AGTPBP1: variants seen among roughly 807,000 people sequenced by gnomAD.
The protein encoded by AGTPBP1 is cytosolic carboxypeptidase 1.
Under a neutral mutation model 143.9 loss-of-function variants are expected in AGTPBP1, and 70 were observed. The observed-to-expected ratio is 0.49, with a 90% CI of 0.40 to 0.59. AGTPBP1 has a LOEUF of 0.59. AGTPBP1 is among the 20% of genes least tolerant of loss of function. The probability of loss-of-function intolerance (pLI) is 0.00; values close to 1 mark genes in which losing one functional copy is unlikely to be tolerated. For synonymous variants in AGTPBP1, 463 were observed against 500.2 expected (o/e 0.93, Z 0.99); for missense variants, 1,229 against 1,464.5 (o/e 0.84, Z 2.62).
chr9:85,580,957 C>T (rs982842377), intron 23 of AGTPBP1, among the ~76,000 whole-genome samples: 2 of 152,284 alleles, frequency 1.3e-5, no homozygotes, highest in African/African-American at 4.8e-5. Flanking sequence ...CATATCTATA[C>T]GGATGTGCTC....
chr9:85,570,477 G>A (rs1257537917), intron 25 of AGTPBP1, among the ~76,000 whole-genome samples: 1 of 152,034 alleles, frequency 6.6e-6, no homozygotes, highest in African/African-American at 2.4e-5. Context: ...CTAATGATTT[G>A]GGAAAAACTC....
intron 3 of AGTPBP1, among the ~76,000 whole-genome samples, chr9:85,691,488 T>C (rs1239467306): frequency 2.0e-5 from 3 of 151,534 alleles, no homozygotes; most frequent in Middle Eastern, 6.8e-3. Context: ...ATGTGCACTG[T>C]TAAATATTAA....
Position 85,588,456 on chromosome 9 carries a change from C to A in AGTPBP1, c.2745G>T (p.Leu915Phe). 1.2e-6 allele frequency: 2 copies of A among 1,610,982 alleles called. No homozygotes were observed. The change falls in exon 21 of 26, where the codon TTG becomes TTT. Residue 915 changes from leucine (L) to phenylalanine (F), a missense_variant. Leu to Phe is a conservative substitution (Grantham distance 22). Coordinates refer to ENST00000357081, the MANE Select transcript of AGTPBP1 (RefSeq NM_001330701.2). ...TTTCTCCAGGATGTACCCGAGCAGA[C>A]AAGAAAACGTAAGGGCGATTTCCTA... ...CHFRNRPYVFLSARVHPGETN... is the reference protein window; with the variant it reads ...CHFRNRPYVFFSARVHPGETN...
chr9:85,557,878 C>T (rs10868323), intron 25 of AGTPBP1, among the ~76,000 whole-genome samples: 27,746 of 152,062 alleles, frequency 0.18, 3,265 homozygotes, highest in East Asian at 0.49. Context: ...TACTATTTTA[C>T]CAATATCTAC....
At chr9:85,705,004 A>G (rs1836892459) in intron 2 of AGTPBP1, among the ~76,000 whole-genome samples, 1 of 152,116 alleles carries the variant, frequency 6.6e-6, no homozygotes, top group Non-Finnish European at 1.5e-5. Context: ...CCAAAATAAA[A>G]GAGAGAGAAA....
chr9:85,692,186 GT>G (rs1164087022), intron 3 of AGTPBP1, among the ~76,000 whole-genome samples: 5 of 151,708 alleles, frequency 3.3e-5, no homozygotes, highest in African/African-American at 1.2e-4. Context: ...AAGTAAAATT[GT>G]AATCATTATT....
chr9:85,757,301 G>C, the AGTPBP1 span, among the ~76,000 whole-genome samples: 1 of 152,052 alleles, frequency 6.6e-6, no homozygotes, highest in Non-Finnish European at 1.5e-5. Flanking sequence ...TTCTGACCTT[G>C]TGATCCGCCT....
In AGTPBP1 at chr9:85,547,218, C is replaced by A. The variant is rs769398588; in HGVS notation, c.3572G>T (p.Ser1191Ile). The A allele has an allele frequency of 2.4e-5, 39 of 1,613,620 alleles. No homozygotes were observed. Among genetic ancestry groups the A allele is most frequent in the Non-Finnish European group, 2.5e-6 (3 of 1,179,896 alleles). ...FLEEVDYSAE[S>I]NDELDIELAE... is the part of the protein sequence containing the mutation. ...CAACTCAATATCTAACTCATCATTACTTTCTGCACTGTAATCAACTTCTTC... is the reference window on the plus strand; with the variant it reads ...CAACTCAATATCTAACTCATCATTAATTTCTGCACTGTAATCAACTTCTTC... Residue 1191 changes from serine to isoleucine, a missense_variant, in exon 26 of 26, where the codon AGT becomes ATT. Ser to Ile is a moderately radical substitution (Grantham distance 142, BLOSUM62 -2). Transcript: ENST00000357081.
At chr9:85,641,890 G>C (rs1029640124) in intron 13 of AGTPBP1, among the ~76,000 whole-genome samples, 1 of 151,880 alleles carries the variant, frequency 6.6e-6, no homozygotes, top group Non-Finnish European at 1.5e-5. Flanking sequence ...GAAGAAACAG[G>C]GTTTTGCCAT....
chr9:85,739,071 T>C (rs891468244), intron 1 of AGTPBP1, among the ~76,000 whole-genome samples: 16 of 151,698 alleles, frequency 1.1e-4, no homozygotes, highest in African/African-American at 3.9e-4. Context: ...AAAGGACAAA[T>C]AACTTGTCTT....
chr9:85,588,688 T>A (rs1470637715), intron 20 of AGTPBP1, among the ~76,000 whole-genome samples: 3 of 152,170 alleles, frequency 2.0e-5, no homozygotes, highest in Admixed American at 2.0e-4. Context: ...GAGCTCATAA[T>A]AGGACATAAA....
Position 85,572,661 on chromosome 9 carries a change from C to T in AGTPBP1, c.3503+2654G>A, listed in dbSNP as rs527826415. Among the ~76,000 whole-genome samples the T allele has an allele frequency of 9.9e-5, 15 of 152,164 alleles. 1 individual carries two copies. In the South Asian group the frequency reaches 1.7e-3, roughly 17 times the overall value. On this transcript the variant is annotated intron_variant, in intron 25 of 25. Transcript: ENST00000357081. ...GTTGTGAAGTATTAGTAAGCATAAA[C>T]GATATTTCAGTATATCTAAAGCACC...
At chr9:85,805,237 CAAA>C in the AGTPBP1 span, 1 of 152,272 alleles carries the variant, frequency 6.6e-6, no homozygotes, top group South Asian at 2.1e-4. Flanking sequence ...GGAAAATAAA[CAAA>C]CCCCCGCGCT....
chr9:85,680,563 G>A (rs534996100), intron 4 of AGTPBP1, among the ~76,000 whole-genome samples: 19 of 151,084 alleles, frequency 1.3e-4, no homozygotes, highest in African/African-American at 3.2e-4. Context: ...CAGCTTGGGC[G>A]ACAGAGTGAG....
At chr9:85,782,958 A>G in the AGTPBP1 span, among the ~76,000 whole-genome samples, 4 of 152,242 alleles carry the variant, frequency 2.6e-5, no homozygotes, top group African/African-American at 2.4e-5. Context: ...AATAGTCAAC[A>G]TAAGACCACT....
chr9:85,736,643 T>G (rs1823802664), intron 1 of AGTPBP1, among the ~76,000 whole-genome samples: 1 of 152,184 alleles, frequency 6.6e-6, no homozygotes, highest in South Asian at 2.1e-4. Context: ...GAAAGCCTCT[T>G]TAAGATTTAA....
At position 85,669,551 on chromosome 9, in the gene AGTPBP1, T is replaced by G; in HGVS notation, c.596A>C (p.Asn199Thr). The G allele has an allele frequency of 6.2e-7, 1 of 1,610,028 alleles. No individual in the cohort carries two copies. Among genetic ancestry groups the G allele is most frequent in the Non-Finnish European group, 8.5e-7 (1 of 1,177,142 alleles). Residue 199 changes from asparagine to threonine, a missense_variant, in exon 8 of 26, where the codon AAT (asparagine) becomes ACT (threonine). Around this residue, in one of 2 missense-constraint regions of AGTPBP1, gnomAD observed 743 missense variants for 812.2 expected, o/e 0.91. Coordinates refer to ENST00000357081, the MANE Select transcript of AGTPBP1 (RefSeq NM_001330701.2). Reference sequence around the variant, plus strand: ...TTTAAACATCAGTTCCACAACTCCATTTTTCCCTAAGGATACTGAATTCAC... The same window carrying G: ...TTTAAACATCAGTTCCACAACTCCAGTTTTCCCTAAGGATACTGAATTCAC... ...NSVNSVSLGK[N>T]GVVELMFKII...
At chr9:85,558,636 C>T (rs1432426168) in intron 25 of AGTPBP1, among the ~76,000 whole-genome samples, 1 of 151,758 alleles carries the variant, frequency 6.6e-6, no homozygotes, top group Admixed American at 6.6e-5. Context: ...TTTTTTGAGC[C>T]AAGGTCTCAT....
At chr9:85,596,590 A>T in intron 17 of AGTPBP1, 141 bp from the exon 18 acceptor site, 1 of 562,846 alleles carries the variant, frequency 1.8e-6, no homozygotes. Context: ...TATTTTAAAA[A>T]TCTGATGCAT....
Sources: gnomAD v4.1 joint callset for allele counts (sites outside exome capture counted in the v4.1 genomes callset) on GRCh38, gnomAD v4.1.1 for gene constraint, gnomAD v4.1.1 regional missense constraint, MANE v1.5 for transcripts, NCBI Gene and HGNC (gene_info 2026-07-23, HGNC 2026-07-21) for gene names.